HOGA1: variants seen among roughly 807,000 people sequenced by gnomAD.
HOGA1 encodes 4-hydroxy-2-oxoglutarate aldolase, mitochondrial.
A neutral mutation model predicts 34.3 loss-of-function variants in HOGA1; 30 were observed. The ratio of observed to expected loss-of-function variants is 0.87; its 90% CI spans 0.65 to 1.19. The LOEUF (loss-of-function observed/expected upper bound fraction) is 1.19, where lower values mean the gene tolerates loss of function less well. HOGA1 is among the 50% of genes most tolerant of loss of function. HOGA1 has a pLI of 0.00. For missense variants in HOGA1, 417 were observed against 436.5 expected (o/e 0.96, Z 0.40); for synonymous variants, 161 against 174.0 (o/e 0.93, Z 0.59).
rs77381949 is a variant in HOGA1 at position 97,588,924 on chromosome 10, G to A, written c.211+4010G>A. ...GCCCAGGCCTGTTTATACCCTGAGA[G>A]GCCTTGGAGATTAATTAGGCTTTTA... On this transcript the variant is annotated intron_variant, in intron 1 of 6. Transcript: ENST00000370646. 8.6e-3 allele frequency among the ~76,000 whole-genome samples: 1,312 copies of A among 152,224 alleles called. 10 individuals are homozygous for A. Among genetic ancestry groups the A allele is most frequent in the Middle Eastern group, 0.02 (6 of 294 alleles).
intron 3 of HOGA1, 92 bp from the exon 4 acceptor site, chr10:97,599,588 A>T (rs1158254921): frequency 7.8e-6 from 12 of 1,542,006 alleles, no homozygotes; most frequent in Non-Finnish European, 1.8e-6. Context: ...CCTGTAGTGA[A>T]GCAGGCTGGG....
At chr10:97,591,611 T>C (rs1044239993) in intron 1 of HOGA1, among the ~76,000 whole-genome samples, 2 of 151,806 alleles carry the variant, frequency 1.3e-5, no homozygotes, top group Non-Finnish European at 2.9e-5. Context: ...TCTTTTCCCT[T>C]TTTTTCTTGT....
chr10:97,609,133 C>T (rs552527582), intron 6 of HOGA1, among the ~76,000 whole-genome samples: 12 of 152,288 alleles, frequency 7.9e-5, no homozygotes, highest in South Asian at 6.2e-4. Context: ...ACGAGGGCCC[C>T]GTTGGGCACA....
intron 1 of HOGA1, chr10:97,590,145 G>A (rs1309370168): frequency 6.2e-7 from 1 of 1,614,112 alleles, no homozygotes; most frequent in East Asian, 2.2e-5. Flanking sequence ...ACGAGGCACG[G>A]AGAAGTGGGC....
intron 6 of HOGA1, among the ~76,000 whole-genome samples, chr10:97,606,016 G>A (rs951850458): frequency 6.6e-6 from 1 of 151,732 alleles, no homozygotes; most frequent in South Asian, 2.1e-4. Flanking sequence ...TGGGCATGGT[G>A]GCTCACGCCT....
At chr10:97,610,728 A>G (rs1157739835) in intron 6 of HOGA1, among the ~76,000 whole-genome samples, 2 of 152,190 alleles carry the variant, frequency 1.3e-5, no homozygotes, top group South Asian at 2.1e-4. Context: ...TGAACCCAGG[A>G]GGCAGAGATT....
At chr10:97,590,409 T>G (rs1342106327) in intron 1 of HOGA1, 1 of 1,613,960 alleles carries the variant, frequency 6.2e-7, no homozygotes, top group Non-Finnish European at 8.5e-7. Flanking sequence ...CTGAGGGCCC[T>G]CGAGGAGGTA....
chr10:97,591,713 C>T (rs2041024711), intron 1 of HOGA1, among the ~76,000 whole-genome samples: 1 of 152,024 alleles, frequency 6.6e-6, no homozygotes, highest in Non-Finnish European at 1.5e-5. Context: ...CAACCTCTGC[C>T]TCTTGGGTTC....
intron 1 of HOGA1, among the ~76,000 whole-genome samples, chr10:97,597,800 C>A (rs1314515227): frequency 6.6e-6 from 1 of 152,042 alleles, no homozygotes; most frequent in Non-Finnish European, 1.5e-5. Flanking sequence ...ACAAAAAAAA[C>A]TACACAAATT....
chr10:97,608,490 TA>T (rs2041172494), intron 6 of HOGA1, among the ~76,000 whole-genome samples: 4 of 152,128 alleles, frequency 2.6e-5, no homozygotes, highest in Admixed American at 2.0e-4. Context: ...TTTTGATTTT[TA>T]AAAAATATTG....
At position 97,612,587 on chromosome 10, in the gene HOGA1, T is replaced by C. The variant is rs1301615807; in HGVS notation, c.*928T>C. ...TGGTCTGTAGCCTTGATTCCAACCA[T>C]TGAATGCACGGAGACAGCCCAGTGG... On this transcript the variant is annotated 3_prime_UTR_variant, in exon 7 of 7. Transcript: ENST00000370646. 2.6e-5 allele frequency: 4 copies of C among 152,198 alleles called. No homozygotes were observed. Among genetic ancestry groups the C allele is most frequent in the African/African-American group, 4.8e-5 (2 of 41,446 alleles). The allele number at this position is 152,198 out of a possible 1,614,324, so 9.4% of individuals were successfully genotyped here.
Position 97,603,428 on chromosome 10 carries a change from A to C in HOGA1, c.834+1438A>C, listed in dbSNP as rs1564760556. Among the ~76,000 whole-genome samples, 3 of 151,750 alleles carry C rather than the reference A, an allele frequency of 2.0e-5. No individual in the cohort carries two copies. Among genetic ancestry groups the C allele is most frequent in the Middle Eastern group, 3.4e-3 (1 of 294 alleles). ...TTTTTGTAGAGATGGGGGTCTCACTATGTTGCCTAGGCTGGTCTTTATCTC... is the reference window on the plus strand; with the variant it reads ...TTTTTGTAGAGATGGGGGTCTCACTCTGTTGCCTAGGCTGGTCTTTATCTC... On this transcript the variant is annotated intron_variant, in intron 6 of 6. Coordinates refer to ENST00000370646, the MANE Select transcript of HOGA1 (RefSeq NM_138413.4). The surrounding 1 kb of genome is among the most constrained non-coding windows in gnomAD (Gnocchi z 4.5).
intron 6 of HOGA1, among the ~76,000 whole-genome samples, chr10:97,610,797 C>CA (rs147433445): frequency 0.066 from 9,866 of 150,000 alleles, 428 homozygotes; most frequent in Non-Finnish European, 0.098. Flanking sequence ...AAGACTGTCT[C>CA]AAAAAAATAA....
intron 1 of HOGA1, chr10:97,589,659 G>T: frequency 2.4e-6 from 1 of 410,332 alleles, no homozygotes; most frequent in Non-Finnish European, 4.5e-6. Context: ...TCCTCACAAT[G>T]GGGTTCATTG....
intron 5 of HOGA1, among the ~76,000 whole-genome samples, chr10:97,601,471 C>T (rs753253709): frequency 6.6e-6 from 1 of 152,208 alleles, no homozygotes; most frequent in Non-Finnish European, 1.5e-5. Flanking sequence ...GCAAAGGCTT[C>T]CCATCCGTCC....
intron 6 of HOGA1, among the ~76,000 whole-genome samples, chr10:97,608,987 G>A (rs1443808091): frequency 6.6e-6 from 1 of 152,120 alleles, no homozygotes; most frequent in East Asian, 1.9e-4. Flanking sequence ...CCTCACAGCT[G>A]TATCCTTACC....
chr10:97,593,274 G>C (rs1420022960), intron 1 of HOGA1, among the ~76,000 whole-genome samples: 1 of 152,080 alleles, frequency 6.6e-6, no homozygotes, highest in African/African-American at 2.4e-5. Flanking sequence ...TCAGGAGTTT[G>C]AGACCAGCCT....
chr10:97,590,693 C>T (rs2041014925), intron 1 of HOGA1: 11 of 905,386 alleles, frequency 1.2e-5, no homozygotes, highest in Non-Finnish European at 1.9e-5. Flanking sequence ...GGGTGAGATG[C>T]TGTGCCCAAA....
chr10:97,591,142 A>G (rs968300341), intron 1 of HOGA1, among the ~76,000 whole-genome samples: 2 of 152,024 alleles, frequency 1.3e-5, no homozygotes, highest in African/African-American at 4.8e-5. Flanking sequence ...AACACCCCCA[A>G]TCTGATGTTG....
Sources: gnomAD v4.1 joint callset for allele counts (sites outside exome capture counted in the v4.1 genomes callset) on GRCh38, gnomAD v4.1.1 for gene constraint, Gnocchi (gnomAD v3.1) non-coding constraint, MANE v1.5 for transcripts, NCBI Gene and HGNC (gene_info 2026-07-23, HGNC 2026-07-21) for gene names.